Variants in TEP1 observed in about 807,000 individuals in gnomAD.
TEP1 encodes the protein telomerase protein component 1.
In TEP1, 241 loss-of-function variants were observed where a neutral mutation model predicts 306.3. The ratio of observed to expected loss-of-function variants is 0.79; its 90% CI spans 0.71 to 0.88. The LOEUF (loss-of-function observed/expected upper bound fraction) is 0.88. Among genes scored for constraint, TEP1 ranks in the 40% least tolerant of loss-of-function variants. The pLI is 0.00. For synonymous variants in TEP1, 1,289 were observed against 1,305.5 expected (o/e 0.99, Z 0.27); for missense variants, 3,051 against 3,276.1 (o/e 0.93, Z 1.68).
chr14:20,403,314 C>G (rs376299827), intron 7 of TEP1, 63 bp downstream of exon 7: 2 of 1,572,716 alleles, frequency 1.3e-6, no homozygotes, highest in African/African-American at 2.7e-5. Context: ...GAATTTTGTT[C>G]GTAAATATTA....
intron 41 of TEP1, 50 bp from the exon 42 acceptor site, chr14:20,376,314 A>G: frequency 6.3e-7 from 1 of 1,584,548 alleles, no homozygotes; most frequent in Non-Finnish European, 8.6e-7. Flanking sequence ...AGGAAGCCAG[A>G]CAGGCCCTGG....
Position 20,403,386 on chromosome 14 carries a change from C to T in TEP1, c.1257G>A (p.Glu419=). Residue 419 remains glutamate, a synonymous_variant, in exon 7 of 55, where the codon GAG becomes GAA. Coordinates refer to ENST00000262715, the MANE Select transcript of TEP1 (RefSeq NM_007110.5). ...AGAAGAAGGGACTCACCTTTCTCTGCTCTTCTCTGAGAAACCCTATGTACC... is the reference window on the plus strand; with the variant it reads ...AGAAGAAGGGACTCACCTTTCTCTGTTCTTCTCTGAGAAACCCTATGTACC... The part of the protein sequence containing the change: ...FPRYIGFLRE[E]QRKFEKAGDT... 2 of 1,614,178 alleles carry T rather than the reference C, an allele frequency of 1.2e-6. No homozygotes were observed.
intron 25 of TEP1, 43 bp downstream of exon 25, chr14:20,383,700 T>C: frequency 3.7e-6 from 6 of 1,607,350 alleles, no homozygotes; most frequent in Non-Finnish European, 4.2e-6. Context: ...GCAGGGGTGG[T>C]ACGTGGGCAT....
intron 50 of TEP1, 70 bp downstream of exon 50, chr14:20,371,419 C>T (rs1170172822): frequency 1.2e-6 from 2 of 1,604,188 alleles, no homozygotes; most frequent in Admixed American, 1.7e-5. Flanking sequence ...TTAGACTCAA[C>T]CTCAGGATAA....
chr14:20,403,780 C>T lies in TEP1; in HGVS notation c.1137G>A (p.Lys379=). 2.5e-6 allele frequency: 4 copies of T among 1,614,126 alleles called. No individual in the cohort carries two copies. Among genetic ancestry groups the T allele is most frequent in the Non-Finnish European group, 3.4e-6 (4 of 1,180,030 alleles). ...FAQFDEYQLA[K]YNPRKHRAKR... ...TGGCCCGGTGCTTCCGAGGGTTGTA[C>T]TTAGCCAGCTGGTACTCGTCAAACT... Residue 379 remains lysine (K), a synonymous_variant, in exon 6 of 55, where the codon AAG becomes AAA. Transcript: ENST00000262715.
At position 20,369,782 on chromosome 14, in the gene TEP1, G is replaced by A. The variant is rs532372748; in HGVS notation, c.7318-3C>T. 1.7e-5 allele frequency: 28 copies of A among 1,612,618 alleles called. No homozygotes were observed. The South Asian group carries it at 3.0e-4, about 17-fold the overall frequency. On this transcript the variant is annotated splice_region_variant and splice_polypyrimidine_tract_variant and intron_variant, in intron 51 of 54. Coordinates refer to ENST00000262715, the MANE Select transcript of TEP1 (RefSeq NM_007110.5). ...AACTCTCCTGATTCCTTTTGCCTCT[G>A]TGAAAGAATAGGTAATTTTGTTTAG...
chr14:20,368,698 T>C, intron 54 of TEP1, 100 bp downstream of exon 54: 2 of 1,537,288 alleles, frequency 1.3e-6, no homozygotes, highest in South Asian at 2.3e-5. Context: ...ATTTTGATCT[T>C]TTGCCCTTTC....
intron 17 of TEP1, among the ~76,000 whole-genome samples, 189 bp downstream of exon 17, chr14:20,389,049 G>A (rs1877470851): frequency 1.3e-5 from 2 of 152,004 alleles, no homozygotes; most frequent in African/African-American, 4.8e-5. Context: ...TCGGGAGGCG[G>A]AGGCAGGAGG....
chr14:20,401,170 AT>A, intron 8 of TEP1, 29 bp from the exon 9 acceptor site: 1 of 1,610,956 alleles, frequency 6.2e-7, no homozygotes, highest in Non-Finnish European at 8.5e-7. Context: ...GAGGTCTATC[AT>A]TTCAGAGTCA....
chr14:20,373,517 T>C lies in TEP1; in HGVS notation c.6671A>G (p.His2224Arg), dbSNP rs1884985505. 1 of 1,614,062 alleles carries C rather than the reference T, an allele frequency of 6.2e-7. No individual in the cohort carries two copies. Among genetic ancestry groups the C allele is most frequent in the Non-Finnish European group, 8.5e-7 (1 of 1,180,032 alleles). Residue 2224 changes from histidine to arginine, a missense_variant, in exon 46 of 55, where the codon CAT becomes CGT. Coordinates refer to ENST00000262715, the MANE Select transcript of TEP1 (RefSeq NM_007110.5). ...CTTGCAGGAACTCACCAAGAGTGGA[T>C]GCCATAACCGTGTGGCCCCATCTAG... Reference protein sequence around the residue: ...VGLDGATRLWHPLLVCQTHTL... With the variant: ...VGLDGATRLWRPLLVCQTHTL...
chr14:20,411,211 C>A (rs962321784), intron 1 of TEP1, among the ~76,000 whole-genome samples: 10 of 152,190 alleles, frequency 6.6e-5, no homozygotes, highest in African/African-American at 2.4e-4. Context: ...ACACAAAACC[C>A]GACTTCCGGT....
intron 7 of TEP1, 23 bp downstream of exon 7, chr14:20,403,354 C>T (rs1411571588): frequency 6.2e-7 from 1 of 1,613,462 alleles, no homozygotes; most frequent in African/African-American, 1.3e-5. Context: ...TGCACATATA[C>T]AACCCCAGAA....
intron 2 of TEP1, among the ~76,000 whole-genome samples, chr14:20,407,651 T>C (rs1305788561): frequency 6.6e-6 from 1 of 152,170 alleles, no homozygotes; most frequent in African/African-American, 2.4e-5. Flanking sequence ...AGGACAGGAA[T>C]TGTTTTTGAT....
chr14:20,387,975 T>A lies in TEP1; in HGVS notation c.2614A>T (p.Thr872Ser), dbSNP rs1474144331. 2.5e-6 allele frequency: 4 copies of A among 1,614,122 alleles called. No homozygotes were observed. Among genetic ancestry groups the A allele is most frequent in the African/African-American group, 2.7e-5 (2 of 75,046 alleles). ...AGTGGCCGGAGAGACTGGACCCCTG[T>A]CTTTCCTGGGGGTGGTGGAATCTTG... The part of the protein sequence containing the change: ...IFKIPPPPGK[T>S]GVQSLRPLEE... Residue 872 changes from threonine (T) to serine (S), a missense_variant, in exon 18 of 55, where the codon ACA becomes TCA. Transcript: ENST00000262715.
chr14:20,403,013 C>T (rs58782901), intron 7 of TEP1, among the ~76,000 whole-genome samples: 9 of 151,934 alleles, frequency 5.9e-5, no homozygotes, highest in East Asian at 1.9e-4. Context: ...AAAAATTAGC[C>T]AAGCGTGGTG....
rs369107429 is a variant in TEP1, at chr14:20,382,408, T to C, written c.4141-52A>G. The stretch of plus-strand genomic sequence containing the variant: ...TCAGTGCAGTGGGAGGAGAAGCAGC[T>C]TGGCTTGTGGGATAGGGAAGGGGCA... On this transcript the variant is annotated intron_variant, in intron 28 of 54. Transcript: ENST00000262715. 1.4e-4 allele frequency: 216 copies of C among 1,570,204 alleles called. No homozygotes were observed. In the African/African-American group the frequency reaches 2.7e-3, roughly 20 times the overall value.
At chr14:20,387,767 C>T in intron 18 of TEP1, 138 bp downstream of exon 18, 1 of 1,076,606 alleles carries the variant, frequency 9.3e-7, no homozygotes, top group South Asian at 1.9e-5. Context: ...GTAGAGAAAC[C>T]TCCGCCTGAG....
At chr14:20,400,891 A>T (rs1878657503) in intron 9 of TEP1, 93 bp downstream of exon 9, 7 of 1,497,250 alleles carry the variant, frequency 4.7e-6, no homozygotes, top group Non-Finnish European at 9.1e-7. Flanking sequence ...TAATAACTTC[A>T]TCATTCCACA....
intron 46 of TEP1, 49 bp downstream of exon 46, chr14:20,373,458 C>T (rs962458595): frequency 1.9e-6 from 3 of 1,613,926 alleles, no homozygotes; most frequent in Non-Finnish European, 2.5e-6. Flanking sequence ...GAAGGTTATT[C>T]CGCATACCTT....
Sources: gnomAD v4.1 joint callset for allele counts (sites outside exome capture counted in the v4.1 genomes callset) on GRCh38, gnomAD v4.1.1 for gene constraint, MANE v1.5 for transcripts, NCBI Gene and HGNC (gene_info 2026-07-23, HGNC 2026-07-21) for gene names.